TBC1D22A: variants seen among roughly 807,000 people sequenced by gnomAD.
The protein encoded by TBC1D22A is putative GTPase activator.
TBC1D22A carries 38 observed loss-of-function variants against 60.2 expected under a neutral mutation model. The observed-to-expected ratio is 0.63, with a 90% CI of 0.49 to 0.83. The LOEUF is 0.83. Among genes scored for constraint, TBC1D22A ranks in the 40% least tolerant of loss-of-function variants. TBC1D22A has a pLI of 0.00. For missense variants in TBC1D22A, 628 were observed against 701.0 expected, an observed-to-expected ratio of 0.90 and a Z score of 1.18; for synonymous variants, 302 against 281.7, an observed-to-expected ratio of 1.07 and a Z score of -0.72.
intron 8 of TBC1D22A, among the ~76,000 whole-genome samples, chr22:46,941,807 ATAGAAT>A (rs1336618592): frequency 1.8e-5 from 2 of 108,660 alleles, no homozygotes; most frequent in African/African-American, 7.3e-5. Flanking sequence ...TAGAATATAT[ATAGAAT>A]ATATATAGAA....
chr22:47,069,525 C>G (rs1603229662), intron 11 of TBC1D22A, among the ~76,000 whole-genome samples: 1 of 152,226 alleles, frequency 6.6e-6, no homozygotes, highest in Non-Finnish European at 1.5e-5. Flanking sequence ...GCAAGTGCAT[C>G]TGAATTGCAT....
At chr22:47,056,156 T>C (rs6009118) in intron 11 of TBC1D22A, among the ~76,000 whole-genome samples, 1 of 151,204 alleles carries the variant, frequency 6.6e-6, no homozygotes, top group Non-Finnish European at 1.5e-5. Context: ...TCAGGAAGAG[T>C]GTGTGTGGGT....
intron 11 of TBC1D22A, among the ~76,000 whole-genome samples, chr22:47,086,572 C>T (rs140852697): frequency 1.3e-5 from 2 of 152,310 alleles, no homozygotes; most frequent in East Asian, 1.9e-4. Context: ...ACAATTATTT[C>T]GGGATAAAAG....
intron 4 of TBC1D22A, among the ~76,000 whole-genome samples, chr22:46,803,769 C>T (rs1285022373): frequency 1.3e-5 from 2 of 152,210 alleles, no homozygotes; most frequent in African/African-American, 4.8e-5. Flanking sequence ...AAGGCAGCCC[C>T]CTGGCCACCT....
At chr22:46,939,735 A>G (rs954142353) in intron 8 of TBC1D22A, among the ~76,000 whole-genome samples, 2 of 152,256 alleles carry the variant, frequency 1.3e-5, no homozygotes, top group Admixed American at 1.3e-4. Context: ...CAATGAAAAT[A>G]TGGGAGAAAT....
At chr22:47,091,287 G>A (rs527888136) in intron 11 of TBC1D22A, among the ~76,000 whole-genome samples, 30 of 127,316 alleles carry the variant, frequency 2.4e-4, no homozygotes, top group African/African-American at 8.9e-4. Context: ...GATAGAGACA[G>A]GCACGAGAAG....
At position 47,099,593 on chromosome 22, in the gene TBC1D22A, G is replaced by T. The variant is rs373558977; in HGVS notation, c.1330-11915G>T. Among the ~76,000 whole-genome samples, 4 of 152,154 alleles carry T rather than the reference G, an allele frequency of 2.6e-5. No individual in the cohort carries two copies. The East Asian group carries it at 7.7e-4, about 29-fold the overall frequency. Reference sequence around the variant, plus strand: ...CCCGAGTAGCTGGGACTACAGGCATGTGCCACCACACCCAGCTAATTTTGT... The same window carrying T: ...CCCGAGTAGCTGGGACTACAGGCATTTGCCACCACACCCAGCTAATTTTGT... On this transcript the variant is annotated intron_variant, in intron 11 of 12. Coordinates refer to ENST00000337137, the MANE Select transcript of TBC1D22A (RefSeq NM_014346.5).
intron 8 of TBC1D22A, among the ~76,000 whole-genome samples, chr22:46,964,742 T>A (rs1384836285): frequency 1.3e-5 from 2 of 151,808 alleles, no homozygotes; most frequent in East Asian, 1.9e-4. Context: ...GAGGGAGGAG[T>A]GTTTTGAAAT....
chr22:47,091,499 G>T (rs1196845491), intron 11 of TBC1D22A, among the ~76,000 whole-genome samples: 2 of 134,524 alleles, frequency 1.5e-5, no homozygotes, highest in Non-Finnish European at 3.1e-5. Context: ...TCGTGGAGGG[G>T]GTGGCTGCTT....
chr22:46,948,153 C>G (rs1052176715), intron 8 of TBC1D22A, among the ~76,000 whole-genome samples: 1 of 152,148 alleles, frequency 6.6e-6, no homozygotes, highest in Non-Finnish European at 1.5e-5. Context: ...AAAAACAAAC[C>G]TGCATATCTT....
chr22:46,904,104 T>A (rs8136484), intron 7 of TBC1D22A, among the ~76,000 whole-genome samples: 3,620 of 55,480 alleles, frequency 0.065, 157 homozygotes, highest in Admixed American at 0.19. Context: ...AAAATCTATC[T>A]ATCTATCTAT....
intron 11 of TBC1D22A, among the ~76,000 whole-genome samples, chr22:47,060,002 A>G (rs1603207773): frequency 6.6e-6 from 1 of 152,158 alleles, no homozygotes; most frequent in East Asian, 1.9e-4. Context: ...GGAACTGCCC[A>G]TGACATGGCC....
At chr22:46,877,237 C>G (rs1398434744) in intron 4 of TBC1D22A, among the ~76,000 whole-genome samples, 2 of 152,152 alleles carry the variant, frequency 1.3e-5, no homozygotes, top group East Asian at 1.9e-4. Context: ...TTTTGAGGAT[C>G]AAATAAGATA....
intron 11 of TBC1D22A, among the ~76,000 whole-genome samples, chr22:47,092,439 C>T (rs1464453096): frequency 1.3e-5 from 2 of 152,096 alleles, no homozygotes; most frequent in Non-Finnish European, 2.9e-5. Flanking sequence ...AGGAATGAGT[C>T]CCAGGAGAGA....
chr22:47,165,448 CG>C (rs1179288190), intron 12 of TBC1D22A, among the ~76,000 whole-genome samples: 1 of 152,194 alleles, frequency 6.6e-6, no homozygotes, highest in African/African-American at 2.4e-5. Context: ...CCCTCGCCAT[CG>C]CCATCTCATA....
intron 8 of TBC1D22A, among the ~76,000 whole-genome samples, chr22:46,923,591 G>A (rs2147854430): frequency 6.6e-6 from 1 of 152,376 alleles, no homozygotes; most frequent in East Asian, 1.9e-4. Context: ...CGTCCTTTGA[G>A]CCAGGGTGCG....
intron 8 of TBC1D22A, among the ~76,000 whole-genome samples, chr22:46,972,590 C>G (rs1293814296): frequency 6.6e-6 from 1 of 152,180 alleles, no homozygotes; most frequent in African/African-American, 2.4e-5. Context: ...CCAGAATAGG[C>G]AACTCCATAG....
intron 7 of TBC1D22A, among the ~76,000 whole-genome samples, chr22:46,904,037 A>G (rs917821727): frequency 2.6e-5 from 4 of 151,694 alleles, no homozygotes; most frequent in African/African-American, 9.7e-5. Flanking sequence ...ATGATATGAA[A>G]TCTGTCATAT....
chr22:47,043,718 T>G (rs1159763554), intron 11 of TBC1D22A, among the ~76,000 whole-genome samples: 1 of 152,040 alleles, frequency 6.6e-6, no homozygotes, highest in Admixed American at 6.5e-5. Flanking sequence ...CCATAGGGCA[T>G]AGAGCAGGTG....
Sources: allele counts gnomAD v4.1 joint callset (sites outside exome capture counted in the v4.1 genomes callset), GRCh38; gene constraint gnomAD v4.1.1; transcripts MANE v1.5; gene names NCBI Gene and HGNC (gene_info 2026-07-23, HGNC 2026-07-21).